Variants in HTR2A observed in about 807,000 individuals in gnomAD.
The protein encoded by HTR2A is 5-hydroxytryptamine receptor 2A.
HTR2A carries 14 observed loss-of-function variants against 31.0 expected under a neutral mutation model. The ratio of observed to expected loss-of-function variants is 0.45; its 90% CI spans 0.30 to 0.71. The LOEUF (loss-of-function observed/expected upper bound fraction) is 0.71. Among genes scored for constraint, HTR2A ranks in the 30% least tolerant of loss-of-function variants. HTR2A has a pLI of 0.09. For synonymous variants in HTR2A, 209 were observed against 225.2 expected (o/e 0.93, Z 0.64); for missense variants, 442 against 573.3 (o/e 0.77, Z 2.34).
At position 46,832,406 on chromosome 13, in the gene HTR2A, T is replaced by C. The variant is rs1263195664; in HGVS notation, c.*2431A>G. 1.3e-5 allele frequency: 2 copies of C among 152,218 alleles called. No individual in the cohort carries two copies. Among genetic ancestry groups the C allele is most frequent in the African/African-American group, 4.8e-5 (2 of 41,454 alleles). 9.4% of individuals were successfully genotyped at this position (152,218 alleles called of 1,614,324 possible). On this transcript the variant is annotated 3_prime_UTR_variant, in exon 4 of 4. Transcript: ENST00000542664. ...ACACATTTGCCTATACAGTATACAC[T>C]TGAATAGATACTTATGGAAGAAAAA... is the stretch of plus-strand genomic sequence containing the variant.
rs1876294997 is a variant in HTR2A at position 46,832,820 on chromosome 13, T to C, written c.*2017A>G. 6.6e-6 allele frequency: 1 copy of C among 152,182 alleles called. No homozygotes were observed. The highest frequency in any genetic ancestry group is 6.5e-5 in the Admixed American group (1 of 15,272). 9.4% of individuals were successfully genotyped at this position (152,182 alleles called of 1,614,324 possible). ...TTTAGTTTTCAAATCTGTATTTTTT[T>C]CCCAAAGGTTTAGGGCAAACACTAT... On this transcript the variant is annotated 3_prime_UTR_variant, in exon 4 of 4. Coordinates refer to ENST00000542664, the MANE Select transcript of HTR2A (RefSeq NM_000621.5).
intron 3 of HTR2A, among the ~76,000 whole-genome samples, chr13:46,845,641 T>TC (rs1214157724): frequency 1.3e-3 from 87 of 65,534 alleles, no homozygotes; most frequent in Non-Finnish European, 2.0e-3. Context: ...AATTCATCAC[T>TC]CCAAAAAAAA....
chr13:46,863,657 A>AAAAAAAAAAAAAAAAAG (rs1566309853), intron 3 of HTR2A, among the ~76,000 whole-genome samples: 2 of 118,266 alleles, frequency 1.7e-5, no homozygotes, highest in Non-Finnish European at 3.5e-5. Flanking sequence ...AAAGAAAAAA[A>AAAAAAAAAAAAAAAAAG]AAAAAGACAG....
At chr13:46,863,359 T>C (rs1336977927) in intron 3 of HTR2A, among the ~76,000 whole-genome samples, 6 of 152,104 alleles carry the variant, frequency 3.9e-5, no homozygotes, top group Non-Finnish European at 5.9e-5. Flanking sequence ...TGGTGGCTCA[T>C]ACCTATAAAT....
At chr13:46,856,291 T>C (rs1207553738) in intron 3 of HTR2A, 2 of 152,186 alleles carry the variant, frequency 1.3e-5, no homozygotes, top group African/African-American at 2.4e-5. Flanking sequence ...TGCAAATACC[T>C]AGGTACAATG....
chr13:46,877,034 A>G (rs1303814743), intron 3 of HTR2A, among the ~76,000 whole-genome samples: 1 of 152,192 alleles, frequency 6.6e-6, no homozygotes, highest in African/African-American at 2.4e-5. Context: ...GATGAAGGGG[A>G]AAACATAGTA....
intron 3 of HTR2A, among the ~76,000 whole-genome samples, chr13:46,862,495 A>T (rs1016998395): frequency 6.6e-6 from 1 of 152,212 alleles, no homozygotes; most frequent in Non-Finnish European, 1.5e-5. Context: ...GGGGAAATGT[A>T]TTGTATAATC....
chr13:46,862,819 A>C (rs1950790866), intron 3 of HTR2A, among the ~76,000 whole-genome samples: 1 of 152,210 alleles, frequency 6.6e-6, no homozygotes, highest in African/African-American at 2.4e-5. Flanking sequence ...ACTACCTATA[A>C]AATGGTATTT....
At chr13:46,890,127 T>C (rs1395749166) in intron 3 of HTR2A, among the ~76,000 whole-genome samples, 1 of 152,192 alleles carries the variant, frequency 6.6e-6, no homozygotes, top group Non-Finnish European at 1.5e-5. Flanking sequence ...GGGGATCACC[T>C]GAGGTCGGGA....
chr13:46,892,631 C>T, intron 2 of HTR2A, 41 bp from the exon 3 acceptor site: 1 of 1,558,296 alleles, frequency 6.4e-7, no homozygotes, highest in Non-Finnish European at 8.8e-7. Flanking sequence ...AACCCTGTGC[C>T]TCCTGGAGCA....
intron 3 of HTR2A, among the ~76,000 whole-genome samples, chr13:46,882,745 G>A (rs1950976153): frequency 1.3e-5 from 2 of 152,190 alleles, no homozygotes; most frequent in Admixed American, 1.3e-4. Flanking sequence ...TTCAAATTAT[G>A]TTGAAAACTT....
chr13:46,875,872 C>T (rs938389948), intron 3 of HTR2A, among the ~76,000 whole-genome samples: 1 of 152,192 alleles, frequency 6.6e-6, no homozygotes, highest in African/African-American at 2.4e-5. Context: ...AATTTTGGAA[C>T]TGTAATAGTA....
rs9567748 is a variant in HTR2A at position 46,891,379 on chromosome 13, A to G, written c.613+1011T>C. On this transcript the variant is annotated intron_variant, in intron 3 of 3. Transcript: ENST00000542664. Reference sequence around the variant, plus strand: ...GCTTTTTGAATCCCAGTTTTTCCTCATCTATAAGATGGAGCTACTTACTCT... The same window carrying G: ...GCTTTTTGAATCCCAGTTTTTCCTCGTCTATAAGATGGAGCTACTTACTCT... Among the ~76,000 whole-genome samples, 350 of 152,302 alleles carry G rather than the reference A, an allele frequency of 2.3e-3. 14 individuals are homozygous for G. The East Asian group carries it at 0.062, about 27-fold the overall frequency.
chr13:46,839,005 CA>C lies in HTR2A; in HGVS notation c.614-3367del, dbSNP rs1566299396. Among the ~76,000 whole-genome samples the C allele has an allele frequency of 3.4e-3, 521 of 151,520 alleles. 4 individuals are homozygous for C. Among genetic ancestry groups the C allele is most frequent in the African/African-American group, 0.012 (494 of 41,372 alleles). On this transcript the variant is annotated intron_variant, in intron 3 of 3. Coordinates refer to ENST00000542664, the MANE Select transcript of HTR2A (RefSeq NM_000621.5). ...ACACACACACACACACACACACACACACACCCTTACAGAATAGCCCAGTTTC... is the reference window on the plus strand; with the variant it reads ...ACACACACACACACACACACACACACCACCCTTACAGAATAGCCCAGTTTC...
chr13:46,849,348 C>T (rs1244947815), intron 3 of HTR2A, among the ~76,000 whole-genome samples: 2 of 152,198 alleles, frequency 1.3e-5, no homozygotes. Context: ...GCCTGAATTA[C>T]CACAAGACCT....
chr13:46,859,911 ATAC>A (rs1950767440), intron 3 of HTR2A, among the ~76,000 whole-genome samples: 1 of 152,176 alleles, frequency 6.6e-6, no homozygotes, highest in Non-Finnish European at 1.5e-5. Flanking sequence ...CATCCTATAA[ATAC>A]TAATTAAGTT....
At chr13:46,841,248 C>T (rs61948314) in intron 3 of HTR2A, among the ~76,000 whole-genome samples, 19,398 of 151,950 alleles carry the variant, frequency 0.13, 1,395 homozygotes, top group Admixed American at 0.19. Flanking sequence ...ACTAATACGC[C>T]GATGTTGCAT....
At chr13:46,870,057 A>G (rs1319223993) in intron 3 of HTR2A, among the ~76,000 whole-genome samples, 1 of 152,170 alleles carries the variant, frequency 6.6e-6, no homozygotes, top group African/African-American at 2.4e-5. Context: ...CAAATTCTCT[A>G]TTATATATTT....
At chr13:46,846,057 T>C (rs1950640654) in intron 3 of HTR2A, among the ~76,000 whole-genome samples, 1 of 152,192 alleles carries the variant, frequency 6.6e-6, no homozygotes, top group African/African-American at 2.4e-5. Context: ...CCACACAGCC[T>C]AGGTAGGGAA....
Sources: allele counts gnomAD v4.1 joint callset (sites outside exome capture counted in the v4.1 genomes callset), GRCh38; gene constraint gnomAD v4.1.1; transcripts MANE v1.5; gene names NCBI Gene and HGNC (gene_info 2026-07-23, HGNC 2026-07-21).